PLXNB2: variants seen among roughly 807,000 people sequenced by gnomAD.
PLXNB2 encodes the protein plexin B2, also known as plexin-B2.
A neutral mutation model predicts 202.6 loss-of-function variants in PLXNB2; 85 were observed. The observed-to-expected ratio is 0.42, with a 90% CI of 0.35 to 0.50. The LOEUF (loss-of-function observed/expected upper bound fraction) is 0.50. PLXNB2 is among the 20% of genes least tolerant of loss of function. The pLI, the probability that PLXNB2 is intolerant of heterozygous loss-of-function variation, is 0.02. For synonymous variants in PLXNB2, 1,239 were observed against 1,137.6 expected (o/e 1.09, Z -1.79); for missense variants, 2,063 against 2,586.2 (o/e 0.80, Z 4.39).
intron 2 of PLXNB2, 138 bp from the exon 3 acceptor site, chr22:50,290,735 G>A (rs1433313044): frequency 4.3e-6 from 4 of 920,364 alleles, no homozygotes; most frequent in East Asian, 5.3e-5. Context: ...CTGGAGCTCC[G>A]CCCCTTCCTG....
intron 7 of PLXNB2, 151 bp from the exon 8 acceptor site, chr22:50,287,415 T>G (rs894208893): frequency 7.5e-5 from 73 of 972,742 alleles, no homozygotes; most frequent in Non-Finnish European, 1.9e-5. Flanking sequence ...CTCTCTGTGG[T>G]CACCCCAGCA....
In PLXNB2 at chr22:50,287,175, G is replaced by A. The variant is rs1346661557; in HGVS notation, c.1698C>T (p.Arg566=). The A allele has an allele frequency of 5.8e-6, 9 of 1,547,820 alleles. No homozygotes were observed. Among genetic ancestry groups the A allele is most frequent in the Admixed American group, 2.0e-5 (1 of 50,788 alleles). ...LFGESPPHPA[R]VEGEAVICNS... ...TGCAGATGACGGCCTCGCCCTCCAC[G>A]CGGGCGGGGTGTGGCGGCGACTCCC... Residue 566 remains arginine (R), a synonymous_variant, in exon 8 of 37, where the codon CGC becomes CGT. Coordinates refer to ENST00000359337, the MANE Select transcript of PLXNB2 (RefSeq NM_012401.4).
rs377335595 is a variant in PLXNB2, at chr22:50,283,460, G to A, written c.2571-15C>T. 8 of 1,610,494 alleles carry A rather than the reference G, an allele frequency of 5.0e-6. No homozygotes were observed. Among genetic ancestry groups the A allele is most frequent in the Non-Finnish European group, 6.8e-6 (8 of 1,178,088 alleles). The stretch of plus-strand genomic sequence containing the variant: ...CACACACGATCCTGGCGGGCGACAG[G>A]CAGTGTGGCCCAGGCACTCCCCGAC... On this transcript the variant is annotated splice_polypyrimidine_tract_variant and intron_variant, in intron 15 of 36. Transcript: ENST00000359337.
At chr22:50,300,388 C>G in intron 1 of PLXNB2, 1 of 923,808 alleles carries the variant, frequency 1.1e-6, no homozygotes, top group Non-Finnish European at 1.3e-6. Flanking sequence ...GCCCGTGCCC[C>G]CGGTCGGTCT....
Position 50,290,588 on chromosome 22 carries a change from C to T in PLXNB2, c.-4G>A. 1 of 1,596,370 alleles carries T rather than the reference C, an allele frequency of 6.3e-7. No homozygotes were observed. Among genetic ancestry groups the T allele is most frequent in the Non-Finnish European group, 8.5e-7 (1 of 1,172,846 alleles). ...GGGCCCAGAGCTGCAGTGCCATTGC[C>T]CCCCGCACCCTGTGGGAAGAGAGAA... On this transcript the variant is annotated 5_prime_UTR_variant, in exon 3 of 37. Transcript: ENST00000359337.
chr22:50,281,793 G>T, intron 20 of PLXNB2, 51 bp from the exon 21 acceptor site: 1 of 1,572,884 alleles, frequency 6.4e-7, no homozygotes, highest in Non-Finnish European at 8.6e-7. Context: ...AGGGACAGGT[G>T]GACCAGCTCT....
Position 50,281,401 on chromosome 22 carries a change from C to T in PLXNB2, c.3621G>A (p.Val1207=). The T allele has an allele frequency of 1.2e-6, 2 of 1,612,396 alleles. No homozygotes were observed. Among genetic ancestry groups the T allele is most frequent in the Non-Finnish European group, 1.7e-6 (2 of 1,179,774 alleles). ...PLSLILPLVI[V]PMVVVIAVSV... ...ACACCGCGATGACGACCACCATGGG[C>T]ACGATGACCAGCGGCAAGATGAGGC... The change falls in exon 22 of 37, where the codon GTG becomes GTA. Residue 1207 remains valine, a synonymous_variant. Transcript: ENST00000359337.
chr22:50,287,556 C>CG (rs1569170359), intron 7 of PLXNB2, 111 bp downstream of exon 7: 4 of 1,131,118 alleles, frequency 3.5e-6, no homozygotes. Flanking sequence ...AGAGCCCAGG[C>CG]GGGGGAGATG....
chr22:50,279,319 C>T (rs991222002), intron 27 of PLXNB2, among the ~76,000 whole-genome samples: 16 of 152,242 alleles, frequency 1.1e-4, no homozygotes, highest in Admixed American at 2.6e-4. Flanking sequence ...GCACAGGCTC[C>T]TGCCACACCC....
rs770085526 is a variant in PLXNB2 at position 50,275,913 on chromosome 22, T to C, written c.5388A>G (p.Gln1796=). The C allele has an allele frequency of 1.5e-5, 24 of 1,612,234 alleles. No homozygotes were observed. The highest frequency in any genetic ancestry group is 8.5e-7 in the Non-Finnish European group (1 of 1,179,724). ...CCTCGTCATAGTACTTCTGCGTGTA[T>C]TGGTAGAGCTGGTGGAGTGCCACGA... ...NTLVALHQLY[Q]YTQKYYDEII... is the part of the protein sequence containing the mutation. Residue 1796 remains glutamine (Q), a synonymous_variant, in exon 36 of 37, where the codon CAA becomes CAG. Transcript: ENST00000359337.
In PLXNB2 at chr22:50,290,217, C is replaced by T. The variant is rs1344834441; in HGVS notation, c.368G>A (p.Arg123His). Reference protein sequence around the residue: ...GSLFKGICALRALSNISLRLF... With the variant: ...GSLFKGICALHALSNISLRLF... ...GCGGAGGGAGATGTTGCTCAGGGCG[C>T]GCAGAGCGCAGATGCCCTTGAAGAG... is the stretch of plus-strand genomic sequence containing the variant. Residue 123 changes from arginine (R) to histidine (H), a missense_variant, in exon 3 of 37, where the codon CGC (arginine) becomes CAC (histidine). By Grantham distance (29) the Arg-to-His change is conservative (BLOSUM62 0). This residue lies in a region of PLXNB2 where 1,303 missense variants were observed against 1,476.8 expected (regional missense o/e 0.88). Coordinates refer to ENST00000359337, the MANE Select transcript of PLXNB2 (RefSeq NM_012401.4). 9 of 1,612,112 alleles carry T rather than the reference C, an allele frequency of 5.6e-6. No individual in the cohort carries two copies. Among genetic ancestry groups the T allele is most frequent in the Admixed American group, 1.7e-5 (1 of 60,004 alleles).
chr22:50,287,344 T>C (rs2066530661), intron 7 of PLXNB2, 80 bp from the exon 8 acceptor site: 12 of 1,409,678 alleles, frequency 8.5e-6, no homozygotes, highest in Non-Finnish European at 1.1e-5. Flanking sequence ...CCTCCCTGCG[T>C]GTGTGGGCGC....
chr22:50,284,468 T>C lies in PLXNB2; in HGVS notation c.2181+105A>G. 1.1e-6 allele frequency: 1 copy of C among 904,164 alleles called. No homozygotes were observed. The highest frequency in any genetic ancestry group is 1.7e-6 in the Non-Finnish European group (1 of 575,124). 56.0% of individuals were successfully genotyped at this position (904,164 alleles called of 1,614,324 possible). A position where few individuals can be genotyped will look rare whatever the true frequency, so the allele number is the denominator to read the frequency against. On this transcript the variant is annotated intron_variant, in intron 12 of 36. Transcript: ENST00000359337. This position sits in a 1 kb window ranked among gnomAD's most constrained non-coding sequence, Gnocchi z 8.0. ...GAGCCCCTGGCTGGGCTCTGGTCCC[T>C]GGGGTCTCCCTGCTGCCCCTCCCCT... is the stretch of plus-strand genomic sequence containing the variant.
intron 1 of PLXNB2, among the ~76,000 whole-genome samples, chr22:50,303,556 G>A (rs1054173533): frequency 2.0e-5 from 3 of 152,254 alleles, no homozygotes; most frequent in Admixed American, 2.0e-4. Context: ...GCCCTTGCCT[G>A]GCCCCTCAGG....
intron 1 of PLXNB2, among the ~76,000 whole-genome samples, chr22:50,302,868 C>A (rs2067760333): frequency 6.6e-6 from 1 of 152,176 alleles, no homozygotes; most frequent in Non-Finnish European, 1.5e-5. Context: ...GGCACAGGGC[C>A]TGGGCTCAGC....
rs1392532174 is a variant in PLXNB2 at position 50,291,931 on chromosome 22, C to G, written c.-13-1334G>C. On this transcript the variant is annotated intron_variant, in intron 2 of 36. Coordinates refer to ENST00000359337, the MANE Select transcript of PLXNB2 (RefSeq NM_012401.4). This position sits in a 1 kb window ranked among gnomAD's most constrained non-coding sequence, Gnocchi z 4.3. Reference sequence around the variant, plus strand: ...CCCTGGCCTCCCCCACCTCCCTGTGCAGGCCCACCCCGTGCCTCCAGAGGG... The same window carrying G: ...CCCTGGCCTCCCCCACCTCCCTGTGGAGGCCCACCCCGTGCCTCCAGAGGG... 6.6e-6 allele frequency among the ~76,000 whole-genome samples: 1 copy of G among 152,236 alleles called. No homozygotes were observed. Among genetic ancestry groups the G allele is most frequent in the Admixed American group, 6.5e-5 (1 of 15,292 alleles).
In PLXNB2 at chr22:50,280,780, G is replaced by A. The variant is rs1427776605; in HGVS notation, c.3957C>T (p.Phe1319=). Residue 1319 remains phenylalanine, a synonymous_variant, in exon 24 of 37, where the codon TTC becomes TTT. Transcript: ENST00000359337. ...AAGACTTGCTGTTCAGCAGGTTGGA[G>A]AACTGGTAGAGGGCCTGCTCCACCA... The part of the protein sequence containing the change: ...RPVVEQALYQ[F]SNLLNSKSFL... 1 of 1,612,900 alleles carries A rather than the reference G, an allele frequency of 6.2e-7. No homozygotes were observed. Among genetic ancestry groups the A allele is most frequent in the Non-Finnish European group, 8.5e-7 (1 of 1,179,842 alleles).
chr22:50,279,897 T>C (rs1219131055), intron 26 of PLXNB2, 108 bp downstream of exon 26: 1 of 1,416,602 alleles, frequency 7.1e-7, no homozygotes, highest in African/African-American at 1.4e-5. Context: ...AGCAAACCTG[T>C]CCAGGCAGGG....
chr22:50,301,336 A>G (rs987341963), intron 1 of PLXNB2: 38 of 957,128 alleles, frequency 4.0e-5, no homozygotes, highest in Non-Finnish European at 4.6e-5. Context: ...TGGGCAGCGC[A>G]ATGAACCTAC....
Sources: allele counts gnomAD v4.1 joint callset (sites outside exome capture counted in the v4.1 genomes callset), GRCh38; gene constraint gnomAD v4.1.1; regional missense constraint gnomAD v4.1.1; non-coding constraint Gnocchi (gnomAD v3.1); transcripts MANE v1.5; gene names NCBI Gene and HGNC (gene_info 2026-07-23, HGNC 2026-07-21).